Variants in RPS6KC1 observed in about 807,000 individuals in gnomAD.
RPS6KC1 encodes inactive ribosomal protein S6 kinase delta-1.
Under a neutral mutation model 103.8 loss-of-function variants are expected in RPS6KC1, and 54 were observed. The observed-to-expected ratio is 0.52, with a 90% confidence interval of 0.42 to 0.65. The LOEUF is 0.65. RPS6KC1 is among the 30% of genes least tolerant of loss of function. The pLI, the probability that RPS6KC1 is intolerant of heterozygous loss-of-function variation, is 0.00. For missense variants in RPS6KC1, 1,151 were observed against 1,253.8 expected (o/e 0.92, Z 1.24); for synonymous variants, 439 against 438.7 (o/e 1.00, Z -0.01).
At chr1:213,362,395 A>G in the RPS6KC1 span, among the ~76,000 whole-genome samples, 1 of 152,206 alleles carries the variant, frequency 6.6e-6, no homozygotes, top group Non-Finnish European at 1.5e-5. Flanking sequence ...CAACATTCTA[A>G]GTGCTTTACC....
At chr1:213,370,239 TTTTATTTTA>T in the RPS6KC1 span, among the ~76,000 whole-genome samples, 23 of 148,974 alleles carry the variant, frequency 1.5e-4, no homozygotes, top group African/African-American at 4.0e-4. Flanking sequence ...TTCTCTGTTA[TTTTATTTTA>T]TTTATTTTAT....
At chr1:213,718,980 C>T in the RPS6KC1 span, among the ~76,000 whole-genome samples, 6 of 152,198 alleles carry the variant, frequency 3.9e-5, no homozygotes, top group Non-Finnish European at 8.8e-5. Context: ...TCAAAGAAAT[C>T]CCTGACTTGT....
chr1:213,778,994 A>G, the RPS6KC1 span, among the ~76,000 whole-genome samples: 2 of 152,098 alleles, frequency 1.3e-5, no homozygotes, highest in South Asian at 4.1e-4. Context: ...AGGGGTCAAG[A>G]GAGTGGTGAC....
the RPS6KC1 span, among the ~76,000 whole-genome samples, chr1:213,749,630 C>A: frequency 1.3e-5 from 2 of 152,120 alleles, no homozygotes; most frequent in Non-Finnish European, 2.9e-5. Flanking sequence ...TGCAGGGTGC[C>A]AAGAGCACCT....
the RPS6KC1 span, among the ~76,000 whole-genome samples, chr1:213,857,413 T>G: frequency 6.6e-6 from 1 of 152,236 alleles, no homozygotes; most frequent in African/African-American, 2.4e-5. Flanking sequence ...TACCAGACTT[T>G]AATGTGTTCA....
the RPS6KC1 span, among the ~76,000 whole-genome samples, chr1:213,458,191 A>T: frequency 6.6e-6 from 1 of 152,076 alleles, no homozygotes; most frequent in Non-Finnish European, 1.5e-5. Flanking sequence ...TATTATTGCC[A>T]TCTTTATGTC....
At chr1:213,220,231 A>C (rs571555581) in intron 8 of RPS6KC1, among the ~76,000 whole-genome samples, 1 of 152,188 alleles carries the variant, frequency 6.6e-6, no homozygotes, top group Non-Finnish European at 1.5e-5. Flanking sequence ...ATAATGCCCT[A>C]TCTTTAAATT....
At chr1:213,850,293 G>T in the RPS6KC1 span, among the ~76,000 whole-genome samples, 1 of 152,252 alleles carries the variant, frequency 6.6e-6, no homozygotes, top group East Asian at 1.9e-4. Context: ...ATCACAAAGA[G>T]TTTTTTCAAT....
At chr1:213,729,152 C>T in the RPS6KC1 span, among the ~76,000 whole-genome samples, 1 of 151,928 alleles carries the variant, frequency 6.6e-6, no homozygotes, top group African/African-American at 2.4e-5. Flanking sequence ...GGTCCTGGAA[C>T]CTGCAGTGTT....
the RPS6KC1 span, among the ~76,000 whole-genome samples, chr1:213,447,642 T>G: frequency 6.6e-6 from 1 of 152,218 alleles, no homozygotes; most frequent in Admixed American, 6.5e-5. Context: ...GAATGTTTCT[T>G]CAAGTCTATT....
At chr1:213,290,609 G>A in the RPS6KC1 span, among the ~76,000 whole-genome samples, 1 of 152,102 alleles carries the variant, frequency 6.6e-6, no homozygotes. Context: ...TGTTGTTGTT[G>A]TTGTTGTTTT....
the RPS6KC1 span, among the ~76,000 whole-genome samples, chr1:213,329,927 C>G: frequency 6.6e-6 from 1 of 152,136 alleles, no homozygotes; most frequent in Non-Finnish European, 1.5e-5. Flanking sequence ...CAAGTGAAAC[C>G]TTGGCACCCT....
At chr1:213,071,205 C>T (rs1315860578) in intron 2 of RPS6KC1, among the ~76,000 whole-genome samples, 164 bp downstream of exon 2, 1 of 152,192 alleles carries the variant, frequency 6.6e-6, no homozygotes. Context: ...TCTCGGCTCA[C>T]TGCAACCTCT....
the RPS6KC1 span, among the ~76,000 whole-genome samples, chr1:213,717,571 G>A: frequency 6.6e-6 from 1 of 152,288 alleles, no homozygotes; most frequent in African/African-American, 2.4e-5. Flanking sequence ...GAAGACTGGG[G>A]CCAAAGTTTG....
At chr1:213,086,837 G>A (rs2080443999) in intron 3 of RPS6KC1, among the ~76,000 whole-genome samples, 1 of 151,986 alleles carries the variant, frequency 6.6e-6, no homozygotes, top group South Asian at 2.1e-4. Flanking sequence ...ATGTATATGT[G>A]CACGTGTATT....
At chr1:213,737,059 G>A in the RPS6KC1 span, among the ~76,000 whole-genome samples, 1 of 152,172 alleles carries the variant, frequency 6.6e-6, no homozygotes, top group African/African-American at 2.4e-5. Context: ...GCTCATACGT[G>A]GTGCATTTGG....
At chr1:213,381,971 C>T in the RPS6KC1 span, among the ~76,000 whole-genome samples, 1 of 152,196 alleles carries the variant, frequency 6.6e-6, no homozygotes, top group African/African-American at 2.4e-5. Context: ...CATCAGTCAG[C>T]TCGACTCCAA....
At chr1:213,242,753 G>A in intron 12 of RPS6KC1, 95 bp downstream of exon 12, 1 of 924,688 alleles carries the variant, frequency 1.1e-6, no homozygotes. Flanking sequence ...TTCACTAGCA[G>A]TTTACATATG....
chr1:213,722,242 C>T, the RPS6KC1 span, among the ~76,000 whole-genome samples: 1 of 152,132 alleles, frequency 6.6e-6, no homozygotes, highest in Non-Finnish European at 1.5e-5. Flanking sequence ...CTAGTAGGGG[C>T]AAGGTGACTG....
Sources: gnomAD v4.1 joint callset for allele counts (sites outside exome capture counted in the v4.1 genomes callset) on GRCh38, gnomAD v4.1.1 for gene constraint, MANE v1.5 for transcripts, NCBI Gene and HGNC (gene_info 2026-07-23, HGNC 2026-07-21) for gene names.